Variants in INTS9 observed in about 807,000 individuals in gnomAD.
INTS9 encodes the protein integrator complex subunit 9, also known as protein related to CPSF subunits of 74 kDa.
In INTS9, 55 loss-of-function variants were observed where a neutral mutation model predicts 79.7. That is an observed-to-expected ratio of 0.69 (90% CI 0.56 to 0.86). INTS9 has a LOEUF of 0.86. INTS9 is among the 40% of genes least tolerant of loss of function. The probability of loss-of-function intolerance (pLI) is 0.00; values close to 1 mark genes in which losing one functional copy is unlikely to be tolerated. For missense variants in INTS9, 721 were observed against 831.5 expected (o/e 0.87, Z 1.64); for synonymous variants, 319 against 325.2 (o/e 0.98, Z 0.20).
At chr8:28,882,548 G>GAAAAAAAAAA (rs376509452) in intron 1 of INTS9, among the ~76,000 whole-genome samples, 4 of 74,846 alleles carry the variant, frequency 5.3e-5, no homozygotes, top group Non-Finnish European at 5.8e-5. Flanking sequence ...AAAAAAAAAA[G>GAAAAAAAAAA]AAAAAAAAAA....
At chr8:28,816,093 A>G (rs1162994994) in intron 6 of INTS9, among the ~76,000 whole-genome samples, 1 of 152,004 alleles carries the variant, frequency 6.6e-6, no homozygotes, top group African/African-American at 2.4e-5. Context: ...AAGAAAGAAA[A>G]TGCATGCCAA....
At chr8:28,781,734 C>CTATACAGA (rs1384323783) in intron 11 of INTS9, among the ~76,000 whole-genome samples, 13 of 152,218 alleles carry the variant, frequency 8.5e-5, no homozygotes, top group African/African-American at 3.1e-4. Flanking sequence ...AAAGGCAAAA[C>CTATACAGA]TATACAGATA....
chr8:28,811,524 C>T (rs1362146863), intron 8 of INTS9, among the ~76,000 whole-genome samples: 2 of 151,970 alleles, frequency 1.3e-5, no homozygotes, highest in African/African-American at 4.8e-5. Flanking sequence ...CAGGCTCAAG[C>T]GATCCTTCTG....
rs773737752 is a variant in INTS9, at chr8:28,775,876, C to G, written c.1446G>C (p.Gln482His). The change falls in exon 14 of 17, where the codon CAG becomes CAC. Residue 482 changes from glutamine (Q) to histidine (H), a missense_variant. This residue lies in a region of INTS9 where 281 missense variants were observed against 300.8 expected (regional missense o/e 0.93). Transcript: ENST00000521022. ...PEQYTQPPPA[Q>H]SHRMDLMIDC... ...CGATCATGAGGTCCATCCTGTGGGA[C>G]TGGGCTGGGGGCGGCTGAGTGTACT... is the stretch of plus-strand genomic sequence containing the variant. The G allele has an allele frequency of 3.1e-6, 5 of 1,610,630 alleles. No homozygotes were observed. The South Asian group carries it at 5.5e-5, about 18-fold the overall frequency.
intron 11 of INTS9, among the ~76,000 whole-genome samples, chr8:28,782,773 G>A (rs1803357645): frequency 6.6e-6 from 1 of 152,094 alleles, no homozygotes; most frequent in African/African-American, 2.4e-5. Context: ...AAAAGTTCTT[G>A]GATACTGTGG....
At chr8:28,838,582 C>T (rs185306162) in intron 4 of INTS9, among the ~76,000 whole-genome samples, 175 of 152,306 alleles carry the variant, frequency 1.1e-3, no homozygotes, top group East Asian at 0.011. Context: ...CCACATCTTC[C>T]TCAGAACTCC....
chr8:28,835,374 G>C lies in INTS9; in HGVS notation c.406C>G (p.Leu136Val). ...ATGAAATTCACCAGCTCTTCCATGA[G>C]AAGCCTGAGTTTAAACAAAACAAGT... ...TEPTVQIGRL[L>V]MEELVNFIER... is the part of the protein sequence containing the mutation. Residue 136 changes from leucine to valine, a missense_variant, in exon 6 of 17, where the codon CTC becomes GTC. By Grantham distance (32) the Leu-to-Val change is conservative (BLOSUM62 1). Transcript: ENST00000521022. 1 of 1,612,866 alleles carries C rather than the reference G, an allele frequency of 6.2e-7. No homozygotes were observed.
chr8:28,777,550 T>TC (rs1475811733), intron 13 of INTS9, among the ~76,000 whole-genome samples: 1 of 151,994 alleles, frequency 6.6e-6, no homozygotes, highest in Admixed American at 6.6e-5. Context: ...CTTTTTTTTT[T>TC]TTTGGCAGGG....
At chr8:28,786,780 C>G (rs890457799) in intron 11 of INTS9, among the ~76,000 whole-genome samples, 1 of 152,086 alleles carries the variant, frequency 6.6e-6, no homozygotes, top group Non-Finnish European at 1.5e-5. Context: ...TGCAGTGGCG[C>G]GATCTGGGCT....
intron 15 of INTS9, 106 bp downstream of exon 15, chr8:28,770,876 C>A (rs1802488867): frequency 1.2e-6 from 1 of 834,372 alleles, no homozygotes; most frequent in Non-Finnish European, 1.9e-6. Context: ...GGAAATAATT[C>A]TTCAACAAGA....
intron 16 of INTS9, 67 bp from the exon 17 acceptor site, chr8:28,768,389 C>T (rs771905166): frequency 1.4e-6 from 2 of 1,438,774 alleles, no homozygotes; most frequent in East Asian, 4.5e-5. Flanking sequence ...GTAAATGACA[C>T]TTCACAGACT....
intron 12 of INTS9, among the ~76,000 whole-genome samples, chr8:28,780,053 G>GT (rs66631307): frequency 6.6e-4 from 91 of 137,118 alleles, no homozygotes; most frequent in African/African-American, 1.1e-3. Context: ...TCAAATCAAG[G>GT]TTTTTTTTTT....
intron 8 of INTS9, among the ~76,000 whole-genome samples, chr8:28,811,283 A>T (rs1045179306): frequency 2.8e-4 from 42 of 151,900 alleles, no homozygotes; most frequent in African/African-American, 1.0e-3. Flanking sequence ...GCACACCATC[A>T]CACCTAATTT....
At chr8:28,885,645 T>C (rs552116964) in intron 1 of INTS9, among the ~76,000 whole-genome samples, 3 of 152,338 alleles carry the variant, frequency 2.0e-5, no homozygotes, top group African/African-American at 7.2e-5. Flanking sequence ...CGCTTGACTC[T>C]TCATCTATTT....
chr8:28,823,595 AC>A (rs75083899), intron 6 of INTS9, among the ~76,000 whole-genome samples: 30,120 of 152,122 alleles, frequency 0.2, 3,292 homozygotes, highest in East Asian at 0.46. Flanking sequence ...TCTTCTGTTA[AC>A]CTGTTTTATG....
intron 1 of INTS9, among the ~76,000 whole-genome samples, chr8:28,879,354 T>G (rs1025785637): frequency 5.3e-5 from 8 of 152,158 alleles, no homozygotes; most frequent in African/African-American, 1.4e-4. Flanking sequence ...AAAAGCATCT[T>G]ACAAAATCCA....
chr8:28,863,733 G>A (rs1272383727), intron 1 of INTS9, among the ~76,000 whole-genome samples: 1 of 152,188 alleles, frequency 6.6e-6, no homozygotes, highest in East Asian at 1.9e-4. Context: ...AGTGAGTTGA[G>A]ATCACGCCAC....
rs1470109807 is a variant in INTS9, at chr8:28,780,913, A to T, written c.1180T>A (p.Phe394Ile). The change falls in exon 12 of 17, where the codon TTC (phenylalanine) becomes ATC (isoleucine). Residue 394 changes from phenylalanine (F) to isoleucine (I), a missense_variant. Coordinates refer to ENST00000521022, the MANE Select transcript of INTS9 (RefSeq NM_018250.4). Reference protein sequence around the residue: ...SNDFRQPCVVFTGHPSLRFGD... With the variant: ...SNDFRQPCVVITGHPSLRFGD... ...AAGCGGAGGGAAGGGTGCCCGGTGA[A>T]CACCACACAGGGCTGTCTAAAGTCG... 1.2e-6 allele frequency: 2 copies of T among 1,613,916 alleles called. No individual in the cohort carries two copies. Among genetic ancestry groups the T allele is most frequent in the Non-Finnish European group, 1.7e-6 (2 of 1,179,918 alleles).
chr8:28,787,083 A>C (rs895061721), intron 11 of INTS9, among the ~76,000 whole-genome samples: 3 of 152,182 alleles, frequency 2.0e-5, no homozygotes, highest in Non-Finnish European at 4.4e-5. Context: ...TATAACCAAA[A>C]ATGAGGAGTA....
Sources: allele counts gnomAD v4.1 joint callset (sites outside exome capture counted in the v4.1 genomes callset), GRCh38; gene constraint gnomAD v4.1.1; regional missense constraint gnomAD v4.1.1; transcripts MANE v1.5; gene names NCBI Gene and HGNC (gene_info 2026-07-23, HGNC 2026-07-21).